MAP2K5: variants seen among roughly 807,000 people sequenced by gnomAD.
The protein encoded by MAP2K5 is dual specificity mitogen-activated protein kinase kinase 5.
Under a neutral mutation model 83.1 loss-of-function variants are expected in MAP2K5, and 49 were observed. The ratio of observed to expected loss-of-function variants is 0.59; its 90% confidence interval spans 0.47 to 0.75. The LOEUF (loss-of-function observed/expected upper bound fraction) is 0.75. MAP2K5 is among the 30% of genes least tolerant of loss of function. The pLI is 0.00. For synonymous variants in MAP2K5, 202 were observed against 191.8 expected, an observed-to-expected ratio of 1.05 and a Z score of -0.44; for missense variants, 457 against 557.5, an observed-to-expected ratio of 0.82 and a Z score of 1.82.
At chr15:67,642,360 C>G in intron 9 of MAP2K5, 1 of 1,421,112 alleles carries the variant, frequency 7.0e-7, no homozygotes, top group Non-Finnish European at 9.6e-7. Flanking sequence ...GTACAAGACT[C>G]AGCCCTTGCC....
rs949526261 is a variant in MAP2K5, at chr15:67,708,032, C to G, written c.1044+4624C>G. On this transcript the variant is annotated intron_variant, in intron 16 of 21. Coordinates refer to ENST00000178640, the MANE Select transcript of MAP2K5 (RefSeq NM_145160.3). The surrounding 1 kb of genome is among the most constrained non-coding windows in gnomAD (Gnocchi z 4.9). ...CCTGAAATTACACAGGAATCAAATACAGGCTAGGCCTGGCGGCTCATTCCT... is the reference window on the plus strand; with the variant it reads ...CCTGAAATTACACAGGAATCAAATAGAGGCTAGGCCTGGCGGCTCATTCCT... 2.0e-5 allele frequency among the ~76,000 whole-genome samples: 3 copies of G among 152,178 alleles called. No individual in the cohort carries two copies. The highest frequency in any genetic ancestry group is 4.4e-5 in the Non-Finnish European group (3 of 68,018).
intron 8 of MAP2K5, among the ~76,000 whole-genome samples, chr15:67,610,616 T>G (rs2085897510): frequency 6.6e-6 from 1 of 152,206 alleles, no homozygotes; most frequent in Non-Finnish European, 1.5e-5. Context: ...CAGTTTTTTT[T>G]TCTTTGCTCT....
intron 4 of MAP2K5, among the ~76,000 whole-genome samples, chr15:67,582,840 AC>A (rs2085210545): frequency 1.3e-5 from 2 of 151,744 alleles, no homozygotes; most frequent in African/African-American, 4.9e-5. Flanking sequence ...ACACACACAC[AC>A]ACACACACAC....
Position 67,587,386 on chromosome 15 carries a change from G to A in MAP2K5, c.431+473G>A, listed in dbSNP as rs948674133. ...TTTGGTGCACTGGCTAGCAGTTAGAGGGCTTTTAGTAGGAGAGGGACATGG... is the reference window on the plus strand; with the variant it reads ...TTTGGTGCACTGGCTAGCAGTTAGAAGGCTTTTAGTAGGAGAGGGACATGG... On this transcript the variant is annotated intron_variant, in intron 6 of 21. Coordinates refer to ENST00000178640, the MANE Select transcript of MAP2K5 (RefSeq NM_145160.3). This position sits in a 1 kb window ranked among gnomAD's most constrained non-coding sequence, Gnocchi z 4.8. 6.6e-6 allele frequency among the ~76,000 whole-genome samples: 1 copy of A among 152,130 alleles called. No homozygotes were observed. The highest frequency in any genetic ancestry group is 2.4e-5 in the African/African-American group (1 of 41,416).
rs574890777 is a variant in MAP2K5, at chr15:67,782,299, C to G, written c.1242+9547C>G. ...GTATTAGTAATCGGGAGATTAGGGC[C>G]CCAGGGACAATGAGAGATAAACAAC... is the stretch of plus-strand genomic sequence containing the variant. On this transcript the variant is annotated intron_variant, in intron 21 of 21. Transcript: ENST00000178640. The surrounding 1 kb of genome is among the most constrained non-coding windows in gnomAD (Gnocchi z 4.9). 1.3e-5 allele frequency among the ~76,000 whole-genome samples: 2 copies of G among 152,254 alleles called. No individual in the cohort carries two copies. The highest frequency in any genetic ancestry group is 4.8e-5 in the African/African-American group (2 of 41,532).
Position 67,677,293 on chromosome 15 carries a change from T to A in MAP2K5, c.847+12648T>A, listed in dbSNP as rs769607325. 6.6e-6 allele frequency among the ~76,000 whole-genome samples: 1 copy of A among 152,166 alleles called. No homozygotes were observed. The highest frequency in any genetic ancestry group is 2.1e-4 in the South Asian group (1 of 4,822). On this transcript the variant is annotated intron_variant, in intron 13 of 21. Transcript: ENST00000178640. This position sits in a 1 kb window ranked among gnomAD's most constrained non-coding sequence, Gnocchi z 4.2. ...GTTTTGTGTCCTTGGGCAAGTAATT[T>A]CATTAATTTGAACCTCAATTTCCTC...
chr15:67,673,264 C>T (rs72749398), intron 13 of MAP2K5, among the ~76,000 whole-genome samples: 21,266 of 151,700 alleles, frequency 0.14, 1,587 homozygotes, highest in East Asian at 0.22. Context: ...AAAAAATGCA[C>T]AAGACAGTCC....
intron 16 of MAP2K5, among the ~76,000 whole-genome samples, chr15:67,707,112 T>C (rs2088573679): frequency 6.6e-6 from 1 of 152,228 alleles, no homozygotes; most frequent in African/African-American, 2.4e-5. Flanking sequence ...AGACAGGGTT[T>C]CACCATGTTA....
At chr15:67,613,210 CT>C (rs2085971902) in intron 8 of MAP2K5, among the ~76,000 whole-genome samples, 1 of 152,166 alleles carries the variant, frequency 6.6e-6, no homozygotes, top group Non-Finnish European at 1.5e-5. Context: ...GCAAAGCCAT[CT>C]TCCAGAAGAG....
intron 16 of MAP2K5, among the ~76,000 whole-genome samples, chr15:67,704,652 CA>C (rs2088506682): frequency 6.6e-6 from 1 of 152,130 alleles, no homozygotes; most frequent in Non-Finnish European, 1.5e-5. Flanking sequence ...AGAGGAAATA[CA>C]ATATGTATGC....
At chr15:67,553,871 C>T (rs1021655459) in intron 2 of MAP2K5, among the ~76,000 whole-genome samples, 3 of 142,860 alleles carry the variant, frequency 2.1e-5, no homozygotes, top group Non-Finnish European at 3.0e-5. Flanking sequence ...CGAGATTGCG[C>T]CACTGCAGTC....
chr15:67,707,344 G>A (rs143885101), intron 16 of MAP2K5, among the ~76,000 whole-genome samples: 1 of 152,318 alleles, frequency 6.6e-6, no homozygotes, highest in East Asian at 1.9e-4. Flanking sequence ...AGGAATAGAT[G>A]TAGCAAATCC....
In MAP2K5 at chr15:67,677,447, T is replaced by C. The variant is rs1352216833; in HGVS notation, c.847+12802T>C. ...TATATTAAGTGCCAAGTAAGTGTTATCTACCATAATTTTTTGTTATTTCTT... is the reference window on the plus strand; with the variant it reads ...TATATTAAGTGCCAAGTAAGTGTTACCTACCATAATTTTTTGTTATTTCTT... On this transcript the variant is annotated intron_variant, in intron 13 of 21. Coordinates refer to ENST00000178640, the MANE Select transcript of MAP2K5 (RefSeq NM_145160.3). The surrounding 1 kb of genome is among the most constrained non-coding windows in gnomAD (Gnocchi z 4.2). Among the ~76,000 whole-genome samples the C allele has an allele frequency of 1.3e-5, 2 of 152,256 alleles. No homozygotes were observed. The highest frequency in any genetic ancestry group is 2.9e-5 in the Non-Finnish European group (2 of 68,046).
chr15:67,694,433 G>A (rs68152622), intron 15 of MAP2K5, among the ~76,000 whole-genome samples: 21,889 of 151,908 alleles, frequency 0.14, 1,663 homozygotes, highest in East Asian at 0.22. Flanking sequence ...TAAAACCGTG[G>A]GTCTTAGTCT....
Position 67,640,699 on chromosome 15 carries a change from C to G in MAP2K5, c.586-5532C>G, listed in dbSNP as rs768486474. On this transcript the variant is annotated intron_variant, in intron 9 of 21. Coordinates refer to ENST00000178640, the MANE Select transcript of MAP2K5 (RefSeq NM_145160.3). The surrounding 1 kb of genome is among the most constrained non-coding windows in gnomAD (Gnocchi z 4.6). ...TTGAAAATCTGTTGCTTTTCCTACT[C>G]AAAATGTTTCTCATGTTATGCTTCT... The G allele has an allele frequency of 8.7e-5, 36 of 411,722 alleles. No individual in the cohort carries two copies. The highest frequency in any genetic ancestry group is 1.3e-4 in the Admixed American group (2 of 15,570). 25.5% of individuals were successfully genotyped at this position (411,722 alleles called of 1,614,324 possible). A position where few individuals can be genotyped will look rare whatever the true frequency, so the allele number is the denominator to read the frequency against.
chr15:67,636,676 T>C lies in MAP2K5; in HGVS notation c.585+5749T>C, dbSNP rs1036752779. Among the ~76,000 whole-genome samples, 8 of 152,210 alleles carry C rather than the reference T, an allele frequency of 5.3e-5. No individual in the cohort carries two copies. The highest frequency in any genetic ancestry group is 7.4e-5 in the Non-Finnish European group (5 of 68,026). The stretch of plus-strand genomic sequence containing the variant: ...AATTTTTTATTGGATACCAGACATG[T>C]GGCATGGGTGCTATTTTTGCTCTGC... On this transcript the variant is annotated intron_variant, in intron 9 of 21. Transcript: ENST00000178640. The surrounding 1 kb of genome is among the most constrained non-coding windows in gnomAD (Gnocchi z 4.7).
At chr15:67,598,442 C>T (rs1369276810) in intron 7 of MAP2K5, among the ~76,000 whole-genome samples, 1 of 152,066 alleles carries the variant, frequency 6.6e-6, no homozygotes, top group Non-Finnish European at 1.5e-5. Context: ...TTTTTCCATT[C>T]TTGAATTTGT....
intron 11 of MAP2K5, among the ~76,000 whole-genome samples, chr15:67,653,250 G>A (rs1333240358): frequency 1.3e-5 from 2 of 151,078 alleles, no homozygotes; most frequent in Non-Finnish European, 2.9e-5. Flanking sequence ...TTCTTGGTCA[G>A]TGTAGCTAAA....
intron 4 of MAP2K5, among the ~76,000 whole-genome samples, chr15:67,582,199 T>C (rs1012911359): frequency 1.3e-5 from 2 of 151,912 alleles, no homozygotes; most frequent in African/African-American, 4.8e-5. Flanking sequence ...GTAGCTGGGA[T>C]TACAGGCTCG....
Sources: allele counts gnomAD v4.1 joint callset (sites outside exome capture counted in the v4.1 genomes callset), GRCh38; gene constraint gnomAD v4.1.1; non-coding constraint Gnocchi (gnomAD v3.1); transcripts MANE v1.5; gene names NCBI Gene and HGNC (gene_info 2026-07-23, HGNC 2026-07-21).